Variants in RBM20 observed in about 807,000 individuals in gnomAD.
The protein encoded by RBM20 is RNA binding motif protein 20.
In RBM20, 51 loss-of-function variants were observed where a neutral mutation model predicts 110.1. The observed-to-expected ratio is 0.46, with a 90% CI of 0.37 to 0.59. The LOEUF is 0.59. RBM20 is among the 20% of genes least tolerant of loss of function. The pLI, the probability that RBM20 is intolerant of heterozygous loss-of-function variation, is 0.00. For synonymous variants in RBM20, 589 were observed against 618.2 expected, an observed-to-expected ratio of 0.95 and a Z score of 0.70; for missense variants, 1,512 against 1,574.9, an observed-to-expected ratio of 0.96 and a Z score of 0.68.
At chr10:110,649,842 C>A (rs181197966) in intron 1 of RBM20, among the ~76,000 whole-genome samples, 8 of 152,148 alleles carry the variant, frequency 5.3e-5, no homozygotes, top group East Asian at 1.9e-4. Context: ...GTTTAAAGAA[C>A]CTGGCTGGAT....
intron 1 of RBM20, among the ~76,000 whole-genome samples, chr10:110,649,927 T>C (rs1221425387): frequency 6.6e-6 from 1 of 152,218 alleles, no homozygotes; most frequent in Non-Finnish European, 1.5e-5. Context: ...CAGATTCTGA[T>C]CCTAATTAAG....
chr10:110,746,849 TA>T (rs1474096137), intron 1 of RBM20, among the ~76,000 whole-genome samples: 2 of 152,222 alleles, frequency 1.3e-5, no homozygotes, highest in African/African-American at 4.8e-5. Flanking sequence ...TCGTTTGTAA[TA>T]AAAAAATTGT....
intron 1 of RBM20, among the ~76,000 whole-genome samples, chr10:110,773,762 A>C (rs749560656): frequency 4.6e-5 from 7 of 152,176 alleles, no homozygotes; most frequent in Non-Finnish European, 1.0e-4. Flanking sequence ...CGTTCTAATA[A>C]GTCCAGCATG....
intron 1 of RBM20, among the ~76,000 whole-genome samples, chr10:110,657,809 A>G (rs1055361964): frequency 3.9e-5 from 6 of 152,222 alleles, no homozygotes; most frequent in Admixed American, 3.3e-4. Flanking sequence ...TTATCTGGAC[A>G]TATCTTTCAG....
chr10:110,799,885 G>T lies in RBM20; in HGVS notation c.1767G>T (p.Arg589=), dbSNP rs929489764. The T allele has an allele frequency of 1.6e-5, 25 of 1,551,972 alleles. No homozygotes were observed. Among genetic ancestry groups the T allele is most frequent in the African/African-American group, 2.7e-5 (2 of 73,036 alleles). ...AVINGEKLLI[R]MSKRYKELQL... ...TCAATGGTGAGAAGTTGCTCATTCGGATGTCCAAGAGATACAAGGAATTGC... is the reference window on the plus strand; with the variant it reads ...TCAATGGTGAGAAGTTGCTCATTCGTATGTCCAAGAGATACAAGGAATTGC... The change falls in exon 7 of 14, where the codon CGG becomes CGT. Residue 589 remains arginine, a synonymous_variant. Transcript: ENST00000369519.
chr10:110,811,722 C>A lies in RBM20; in HGVS notation c.1881-556C>A, dbSNP rs76112864. 7.4e-3 allele frequency among the ~76,000 whole-genome samples: 1,129 copies of A among 152,184 alleles called. 14 individuals carry two copies. The highest frequency in any genetic ancestry group is 0.024 in the African/African-American group (989 of 41,494). The stretch of plus-strand genomic sequence containing the variant: ...GCGTGCCCTCCCCAATAGTTAGCAT[C>A]CCTTTTCCATGCATAAATTGAGCTG... On this transcript the variant is annotated intron_variant, in intron 8 of 13. Coordinates refer to ENST00000369519, the MANE Select transcript of RBM20 (RefSeq NM_001134363.3).
At chr10:110,662,641 CCAAT>C (rs1862121204) in intron 1 of RBM20, among the ~76,000 whole-genome samples, 1 of 152,154 alleles carries the variant, frequency 6.6e-6, no homozygotes, top group African/African-American at 2.4e-5. Flanking sequence ...TACCTTTTGA[CCAAT>C]CAATCCTATT....
chr10:110,727,253 G>A (rs1309690155), intron 1 of RBM20, among the ~76,000 whole-genome samples: 1 of 140,112 alleles, frequency 7.1e-6, no homozygotes. Flanking sequence ...ATTTCAATAT[G>A]TGTACATAAT....
intron 1 of RBM20, among the ~76,000 whole-genome samples, chr10:110,666,000 A>AGG (rs759490542): frequency 1.0e-4 from 9 of 89,714 alleles, no homozygotes; most frequent in Non-Finnish European, 2.2e-4. Context: ...AAAGAAAGAG[A>AGG]GAGAGAGAGA....
At chr10:110,706,008 G>A (rs750577371) in intron 1 of RBM20, among the ~76,000 whole-genome samples, 1 of 151,976 alleles carries the variant, frequency 6.6e-6, no homozygotes, top group South Asian at 2.1e-4. Context: ...CTTGACCTGG[G>A]AGGTGGCGTT....
At chr10:110,758,014 C>CTTTTTTT (rs760246427) in intron 1 of RBM20, among the ~76,000 whole-genome samples, 5,127 of 79,836 alleles carry the variant, frequency 0.064, 1,004 homozygotes, top group South Asian at 0.082. Flanking sequence ...GATCCTTGTT[C>CTTTTTTT]TTTTTTTTTT....
intron 1 of RBM20, among the ~76,000 whole-genome samples, chr10:110,731,092 CTGTTT>C (rs1843616812): frequency 6.6e-6 from 1 of 152,148 alleles, no homozygotes; most frequent in South Asian, 2.1e-4. Flanking sequence ...AGGTATGAAA[CTGTTT>C]TGTTTTATTT....
At chr10:110,834,033 A>G (rs1323022825) in intron 13 of RBM20, among the ~76,000 whole-genome samples, 2 of 152,208 alleles carry the variant, frequency 1.3e-5, no homozygotes, top group Non-Finnish European at 1.5e-5. Context: ...AGCAGGTTGA[A>G]GGAGCCTCCG....
chr10:110,781,675 A>G lies in RBM20; in HGVS notation c.1066A>G (p.Thr356Ala). 4 of 1,549,052 alleles carry G rather than the reference A, an allele frequency of 2.6e-6. No homozygotes were observed. In the South Asian group the frequency reaches 4.8e-5, roughly 18 times the overall value. The change falls in exon 2 of 14, where the codon ACC (threonine) becomes GCC (alanine). Residue 356 changes from threonine to alanine, a missense_variant. Transcript: ENST00000369519. ...TGAGCTGTACGACCCCGAGGAACCA[A>G]CCTCAGACAGGACACCTCCTTCCTT... The part of the protein sequence containing the change: ...PYELYDPEEP[T>A]SDRTPPSFGG...
chr10:110,679,225 AT>A (rs1490808624), intron 1 of RBM20, among the ~76,000 whole-genome samples: 1 of 151,868 alleles, frequency 6.6e-6, no homozygotes, highest in Non-Finnish European at 1.5e-5. Flanking sequence ...TCTTTTTTTT[AT>A]TTTTAATTTT....
intron 1 of RBM20, among the ~76,000 whole-genome samples, chr10:110,645,158 C>G (rs1343487261): frequency 6.6e-6 from 1 of 152,148 alleles, no homozygotes; most frequent in Non-Finnish European, 1.5e-5. Flanking sequence ...TTCAAGAAGG[C>G]CTTTTCGAAG....
At chr10:110,763,132 G>A (rs1844029353) in intron 1 of RBM20, among the ~76,000 whole-genome samples, 1 of 152,188 alleles carries the variant, frequency 6.6e-6, no homozygotes, top group South Asian at 2.1e-4. Flanking sequence ...AGGTCACTGG[G>A]GCAGGTGGCC....
chr10:110,686,607 G>A (rs1862508674), intron 1 of RBM20, among the ~76,000 whole-genome samples: 2 of 151,822 alleles, frequency 1.3e-5, no homozygotes, highest in Non-Finnish European at 2.9e-5. Context: ...CCTAGGTGAT[G>A]GAGCCAGATG....
intron 1 of RBM20, among the ~76,000 whole-genome samples, chr10:110,736,241 A>G (rs554188115): frequency 1.8e-4 from 28 of 152,376 alleles, no homozygotes; most frequent in Non-Finnish European, 2.6e-4. Context: ...TATAAAGTCC[A>G]TCTTCCCAAA....
Sources: allele counts gnomAD v4.1 joint callset (sites outside exome capture counted in the v4.1 genomes callset), GRCh38; gene constraint gnomAD v4.1.1; transcripts MANE v1.5; gene names NCBI Gene and HGNC (gene_info 2026-07-23, HGNC 2026-07-21).